The following MRPS22 variants were observed in gnomAD, a reference collection of about 807,000 sequenced individuals.
MRPS22 encodes the protein mitochondrial ribosomal protein S22, also known as small ribosomal subunit protein mS22.
Under a neutral mutation model 44.0 loss-of-function variants are expected in MRPS22, and 30 were observed. The observed-to-expected ratio is 0.68, with a 90% confidence interval of 0.51 to 0.93. The LOEUF is 0.93. MRPS22 is among the 40% of genes least tolerant of loss of function. The probability of loss-of-function intolerance (pLI) is 0.00; values close to 1 mark genes in which losing one functional copy is unlikely to be tolerated. For missense variants in MRPS22, 447 were observed against 447.8 expected (o/e 1.00, Z 0.02); for synonymous variants, 165 against 154.4 (o/e 1.07, Z -0.51).
chr3:139,350,883 G>A, intron 4 of MRPS22, 94 bp from the exon 5 acceptor site: 1 of 890,930 alleles, frequency 1.1e-6, no homozygotes, highest in Non-Finnish European at 1.9e-6. Context: ...GCACAGAGTG[G>A]CCAGTATGTG....
At chr3:139,352,004 G>C (rs1941160921) in intron 5 of MRPS22, 1 of 153,432 alleles carries the variant, frequency 6.5e-6, no homozygotes, top group Admixed American at 6.5e-5. Flanking sequence ...GAATGGGCTA[G>C]CTGGTAGAAT....
At chr3:139,344,328 C>T (rs531757222) in intron 1 of MRPS22, 130 bp downstream of exon 1, 10 of 1,007,784 alleles carry the variant, frequency 9.9e-6, no homozygotes, top group South Asian at 2.8e-5. Flanking sequence ...AGCTGTCTTC[C>T]TTCTGTACCT....
rs1249602392 is a variant in MRPS22, at chr3:139,355,694, A to C, written c.891A>C (p.Ala297=). 1.2e-6 allele frequency: 2 copies of C among 1,614,002 alleles called. No homozygotes were observed. Among genetic ancestry groups the C allele is most frequent in the East Asian group, 4.5e-5 (2 of 44,898 alleles). Residue 297 remains alanine, a synonymous_variant, in exon 7 of 8, where the codon GCA becomes GCC. Coordinates refer to ENST00000680020, the MANE Select transcript of MRPS22 (RefSeq NM_020191.4). ...CTTTCATTCTCAGAATCGATGATGC[A>C]ACCAACTTGGTCCAGCTGTATCACG... ...DQIQRDLIDD[A]TNLVQLYHVL...
rs1940990427 is a variant in MRPS22 at position 139,344,171 on chromosome 3, C to T, written c.145C>T (p.Pro49Ser). 1.2e-6 allele frequency: 2 copies of T among 1,611,566 alleles called. No individual in the cohort carries two copies. Among genetic ancestry groups the T allele is most frequent in the Non-Finnish European group, 1.7e-6 (2 of 1,179,258 alleles). ...PLPCSFEMGLPRRRFSSEAAE... is the reference protein window; with the variant it reads ...PLPCSFEMGLSRRRFSSEAAE... ...ACCTTGCTCTTTCGAGATGGGGCTG[C>T]CACGCCGCCGGTTCAGCTCCGAGGC... The change falls in exon 1 of 8, where the codon CCA (proline) becomes TCA (serine). Residue 49 changes from proline to serine, a missense_variant. By Grantham distance (74) the Pro-to-Ser change is moderately conservative. Coordinates refer to ENST00000680020, the MANE Select transcript of MRPS22 (RefSeq NM_020191.4).
chr3:139,346,941 T>G lies in MRPS22; in HGVS notation c.236T>G (p.Leu79Arg), dbSNP rs775084508. ...TFMDEEVQSI[L>R]TKMTGLNLQK... ...ATGGATGAGGAAGTTCAAAGCATAC[T>G]CACGAAAATGACAGGCTTGAACTTG... The change falls in exon 2 of 8, where the codon CTC becomes CGC. Residue 79 changes from leucine to arginine, a missense_variant. Coordinates refer to ENST00000680020, the MANE Select transcript of MRPS22 (RefSeq NM_020191.4). 1 of 1,614,150 alleles carries G rather than the reference T, an allele frequency of 6.2e-7. No homozygotes were observed. The highest frequency in any genetic ancestry group is 8.5e-7 in the Non-Finnish European group (1 of 1,180,008).
chr3:139,357,047 TACTG>T lies in MRPS22; in HGVS notation c.*37_*40del. The stretch of plus-strand genomic sequence containing the variant: ...TTAAAAATACATTTATTTTACTAAA[TACTG>T]ACTACATTTCTCTGTTAATATTGAG... On this transcript the variant is annotated 3_prime_UTR_variant, in exon 8 of 8. Coordinates refer to ENST00000680020, the MANE Select transcript of MRPS22 (RefSeq NM_020191.4). 2 of 1,451,152 alleles carry T rather than the reference TACTG, an allele frequency of 1.4e-6. No individual in the cohort carries two copies. Among genetic ancestry groups the T allele is most frequent in the Non-Finnish European group, 9.6e-7 (1 of 1,041,248 alleles). The allele number at this position is 1,451,152 out of a possible 1,614,324, so 89.9% of individuals were successfully genotyped here. A position where few individuals can be genotyped will look rare whatever the true frequency, so the allele number is the denominator to read the frequency against.
chr3:139,350,251 A>T lies in MRPS22; in HGVS notation c.577A>T (p.Ile193Leu). 1.9e-6 allele frequency: 3 copies of T among 1,614,178 alleles called. No homozygotes were observed. The highest frequency in any genetic ancestry group is 2.5e-6 in the Non-Finnish European group (3 of 1,180,016). The change falls in exon 4 of 8, where the codon ATA (isoleucine) becomes TTA (leucine). Residue 193 changes from isoleucine (I) to leucine (L), a missense_variant. Ile to Leu is a conservative substitution (Grantham distance 5). Coordinates refer to ENST00000680020, the MANE Select transcript of MRPS22 (RefSeq NM_020191.4). ...CTCTTGGGAAGAACGGGACCGAATG[A>T]TACAAGTTTATTTCCCAAAAGAAGG... ...KASWEERDRM[I>L]QVYFPKEGRK... is the part of the protein sequence containing the mutation.
intron 1 of MRPS22, among the ~76,000 whole-genome samples, chr3:139,345,656 G>T (rs1941028210): frequency 6.6e-6 from 1 of 152,070 alleles, no homozygotes; most frequent in Admixed American, 6.6e-5. Flanking sequence ...ACTGCTATTG[G>T]CTAGATCTGG....
In MRPS22 at chr3:139,356,963, A is replaced by C. The variant is rs757716400; in HGVS notation, c.1032A>C (p.Leu344=). The change falls in exon 8 of 8, where the codon CTA becomes CTC. Residue 344 remains leucine (L), a synonymous_variant. Coordinates refer to ENST00000680020, the MANE Select transcript of MRPS22 (RefSeq NM_020191.4). ...CACAGAAGGGAGCCTATATAGAACT[A>C]ACACTGCAGACTTATCAAGAAGCAC... ...TEAQKGAYIE[L]TLQTYQEALS... 1 of 1,613,206 alleles carries C rather than the reference A, an allele frequency of 6.2e-7. No homozygotes were observed. The highest frequency in any genetic ancestry group is 1.7e-5 in the Admixed American group (1 of 60,020).
intron 4 of MRPS22, chr3:139,350,575 C>T: frequency 2.1e-6 from 1 of 472,460 alleles, no homozygotes; most frequent in South Asian, 2.1e-5. Flanking sequence ...TTACAGGCGC[C>T]CGCCACCACG....
rs1052650879 is a variant in MRPS22, at chr3:139,357,011, C to G, written c.1080C>G (p.Ser360=). Reference sequence around the variant, plus strand: ...CACTCAGTCGCCATTCTGCAGCTTCCTAAAAATATTTTAAAAATACATTTA... The same window carrying G: ...CACTCAGTCGCCATTCTGCAGCTTCGTAAAAATATTTTAAAAATACATTTA... ...QEALSRHSAA[S] The change falls in exon 8 of 8, where the codon TCC becomes TCG. Residue 360 remains serine (S), a synonymous_variant. Transcript: ENST00000680020. The G allele has an allele frequency of 6.2e-7, 1 of 1,605,416 alleles. No individual in the cohort carries two copies. Among genetic ancestry groups the G allele is most frequent in the South Asian group, 1.1e-5 (1 of 90,396 alleles).
intron 4 of MRPS22, 111 bp from the exon 5 acceptor site, chr3:139,350,866 T>C: frequency 1.2e-6 from 1 of 824,666 alleles, no homozygotes; most frequent in Non-Finnish European, 2.2e-6. Flanking sequence ...TTTATGCTTC[T>C]TGAGGAGCAC....
intron 2 of MRPS22, among the ~76,000 whole-genome samples, chr3:139,347,795 G>A (rs1048719171): frequency 1.4e-4 from 22 of 152,142 alleles, no homozygotes; most frequent in African/African-American, 5.3e-4. Flanking sequence ...AACTCATAAG[G>A]TAATTGAGGC....
At position 139,355,758 on chromosome 3, in the gene MRPS22, G is replaced by A. The variant is rs1941240640; in HGVS notation, c.955G>A (p.Asp319Asn). Residue 319 changes from aspartate to asparagine, a missense_variant, in exon 7 of 8, where the codon GAT becomes AAT. Physicochemically the swap from Asp to Asn is conservative, Grantham distance 23. Coordinates refer to ENST00000680020, the MANE Select transcript of MRPS22 (RefSeq NM_020191.4). The part of the protein sequence containing the change: ...PDGQSAQGAK[D>N]QAAEGINLIK... ...TGGCCAGTCGGCTCAAGGGGCCAAG[G>A]ATCAGGCTGCTGAGGGAATAAATTT... 6.2e-7 allele frequency: 1 copy of A among 1,614,000 alleles called. No individual in the cohort carries two copies. Among genetic ancestry groups the A allele is most frequent in the Non-Finnish European group, 8.5e-7 (1 of 1,180,010 alleles).
intron 6 of MRPS22, among the ~76,000 whole-genome samples, chr3:139,354,915 G>A (rs1266612761): frequency 6.6e-6 from 1 of 152,180 alleles, no homozygotes. Context: ...TGTCAGCTGT[G>A]TGAAAAGATA....
chr3:139,346,647 C>T (rs1941042915), intron 1 of MRPS22, among the ~76,000 whole-genome samples: 1 of 152,212 alleles, frequency 6.6e-6, no homozygotes, highest in Non-Finnish European at 1.5e-5. Context: ...ACTGTTACTT[C>T]CTCTAGTAGT....
intron 4 of MRPS22, chr3:139,350,683 C>A (rs1340021694): frequency 3.3e-5 from 10 of 307,054 alleles, no homozygotes; most frequent in South Asian, 9.5e-5. Context: ...CCCCCCCCCG[C>A]AATCCGACTC....
chr3:139,356,402 A>T lies in MRPS22; in HGVS notation c.988-517A>T, dbSNP rs555475624. Among the ~76,000 whole-genome samples, 160 of 152,006 alleles carry T rather than the reference A, an allele frequency of 1.1e-3. 1 individual carries two copies. The highest frequency in any genetic ancestry group is 3.8e-3 in the African/African-American group (158 of 41,248). ...TTTCATCTCTTCTAATGCTCAGAATATACATGGTTTTGTGGAACTGGCTTC... is the reference window on the plus strand; with the variant it reads ...TTTCATCTCTTCTAATGCTCAGAATTTACATGGTTTTGTGGAACTGGCTTC... On this transcript the variant is annotated intron_variant, in intron 7 of 7. Transcript: ENST00000680020.
rs764694623 is a variant in MRPS22, at chr3:139,351,073, T to G, written c.732+13T>G. The G allele has an allele frequency of 7.2e-5, 116 of 1,601,014 alleles. No homozygotes were observed. The highest frequency in any genetic ancestry group is 9.6e-5 in the Non-Finnish European group (112 of 1,168,090). On this transcript the variant is annotated intron_variant, in intron 5 of 7. Transcript: ENST00000680020. Reference sequence around the variant, plus strand: ...AGAGTATATCAAGGTGAGTAGATTTTAGTTTCTAAAATATAGGCTTAAGTA... The same window carrying G: ...AGAGTATATCAAGGTGAGTAGATTTGAGTTTCTAAAATATAGGCTTAAGTA...
Sources: gnomAD v4.1 joint callset for allele counts (sites outside exome capture counted in the v4.1 genomes callset) on GRCh38, gnomAD v4.1.1 for gene constraint, MANE v1.5 for transcripts, NCBI Gene and HGNC (gene_info 2026-07-23, HGNC 2026-07-21) for gene names.